Variants in GRM8 observed in about 807,000 individuals in gnomAD.
GRM8 encodes the protein glutamate metabotropic receptor 8, also known as metabotropic glutamate receptor 8.
GRM8 carries 47 observed loss-of-function variants against 87.2 expected under a neutral mutation model. The ratio of observed to expected loss-of-function variants is 0.54; its 90% CI spans 0.43 to 0.69. The LOEUF (loss-of-function observed/expected upper bound fraction) is 0.69. GRM8 is among the 30% of genes least tolerant of loss of function. The pLI is 0.00. For synonymous variants in GRM8, 396 were observed against 404.5 expected, an observed-to-expected ratio of 0.98 and a Z score of 0.25; for missense variants, 1,019 against 1,139.2, an observed-to-expected ratio of 0.89 and a Z score of 1.52.
intron 8 of GRM8, among the ~76,000 whole-genome samples, chr7:126,596,196 T>C (rs1585164504): frequency 6.6e-6 from 1 of 152,198 alleles, no homozygotes; most frequent in Non-Finnish European, 1.5e-5. Flanking sequence ...CTGGGGTGAA[T>C]GGTAATCCTG....
chr7:126,572,922 A>G (rs191749936), intron 8 of GRM8, among the ~76,000 whole-genome samples: 49 of 152,338 alleles, frequency 3.2e-4, no homozygotes, highest in Admixed American at 3.1e-3. Context: ...AAAGACACAG[A>G]GAGAATGCAT....
Position 126,485,266 on chromosome 7 carries a change from C to T in GRM8, c.2431-38894G>A, listed in dbSNP as rs142202008. 4.4e-3 allele frequency among the ~76,000 whole-genome samples: 557 copies of T among 126,420 alleles called. 5 individuals are homozygous for T. The highest frequency in any genetic ancestry group is 0.018 in the African/African-American group (534 of 30,232). The allele number at this position is 126,420 out of a possible 152,430, so 82.9% of individuals were successfully genotyped here. ...TAATAATATGGGGTAACACATGACC[C>T]AGATTTGGAGTTCAGCTAACAGTTT... On this transcript the variant is annotated intron_variant, in intron 9 of 10. Coordinates refer to ENST00000339582, the MANE Select transcript of GRM8 (RefSeq NM_000845.3).
chr7:126,639,461 C>T (rs972418221), intron 7 of GRM8, among the ~76,000 whole-genome samples: 19 of 152,090 alleles, frequency 1.2e-4, no homozygotes, highest in Admixed American at 1.0e-3. Context: ...ATTCCATAGG[C>T]TTATCTCTCG....
chr7:126,956,008 C>A (rs898378030), intron 3 of GRM8, among the ~76,000 whole-genome samples: 4 of 151,984 alleles, frequency 2.6e-5, no homozygotes, highest in South Asian at 2.1e-4. Flanking sequence ...TTAAATGGCA[C>A]CCTTTGCACA....
At chr7:126,445,566 T>G (rs1171030904) in intron 10 of GRM8, 1 of 153,032 alleles carries the variant, frequency 6.5e-6, no homozygotes, top group African/African-American at 2.4e-5. Flanking sequence ...TCTTAATATA[T>G]CCAAGAAGGG....
intron 8 of GRM8, among the ~76,000 whole-genome samples, chr7:126,580,889 G>C (rs547370608): frequency 6.6e-6 from 1 of 151,832 alleles, no homozygotes; most frequent in Non-Finnish European, 1.5e-5. Context: ...TTATTAAAAA[G>C]TATACCTAAT....
At chr7:126,669,959 C>T (rs1373925056) in intron 7 of GRM8, among the ~76,000 whole-genome samples, 1 of 152,082 alleles carries the variant, frequency 6.6e-6, no homozygotes, top group African/African-American at 2.4e-5. Flanking sequence ...TCTGGGTGAA[C>T]ATATTGACTA....
chr7:126,783,041 G>A (rs1285819648), intron 6 of GRM8, among the ~76,000 whole-genome samples: 1 of 152,046 alleles, frequency 6.6e-6, no homozygotes, highest in Non-Finnish European at 1.5e-5. Context: ...ACATCTTCAG[G>A]GATGCAAACT....
intron 6 of GRM8, among the ~76,000 whole-genome samples, chr7:126,900,000 C>T (rs1415667098): frequency 1.3e-5 from 2 of 152,154 alleles, no homozygotes; most frequent in Non-Finnish European, 2.9e-5. Context: ...CCTTGACTCC[C>T]AGTTCATCTC....
chr7:126,750,224 T>C (rs1404421115), intron 7 of GRM8, among the ~76,000 whole-genome samples: 1 of 152,022 alleles, frequency 6.6e-6, no homozygotes, highest in Non-Finnish European at 1.5e-5. Flanking sequence ...GAACACAAAA[T>C]CTGCAAAAGA....
chr7:126,627,620 T>C (rs909823399), intron 7 of GRM8, among the ~76,000 whole-genome samples: 1 of 152,196 alleles, frequency 6.6e-6, no homozygotes, highest in African/African-American at 2.4e-5. Flanking sequence ...CTTTGCATTT[T>C]TTTTAACTTT....
At chr7:126,903,193 T>G (rs977961302) in intron 5 of GRM8, among the ~76,000 whole-genome samples, 1 of 152,204 alleles carries the variant, frequency 6.6e-6, no homozygotes, top group Non-Finnish European at 1.5e-5. Flanking sequence ...TGAACTCAAG[T>G]GTCGGTTTGC....
intron 9 of GRM8, among the ~76,000 whole-genome samples, chr7:126,504,034 C>T (rs1326050903): frequency 6.6e-6 from 1 of 151,976 alleles, no homozygotes; most frequent in Admixed American, 6.6e-5. Context: ...AGGGGTTGTT[C>T]TGTTACCCCT....
intron 3 of GRM8, among the ~76,000 whole-genome samples, chr7:127,046,297 G>A (rs367979466): frequency 6.6e-6 from 1 of 152,006 alleles, no homozygotes; most frequent in South Asian, 2.1e-4. Flanking sequence ...GCGTGAACCC[G>A]GGAGGCGGAG....
chr7:127,076,299 G>A, intron 3 of GRM8: 1 of 429,690 alleles, frequency 2.3e-6, no homozygotes, highest in South Asian at 1.7e-5. Context: ...ACATTAAACA[G>A]AAGCCCTCTA....
At chr7:126,892,265 G>A (rs952948541) in intron 6 of GRM8, among the ~76,000 whole-genome samples, 10 of 151,832 alleles carry the variant, frequency 6.6e-5, no homozygotes, top group African/African-American at 2.4e-4. Flanking sequence ...TTAGCATTAG[G>A]TATATCTCCT....
chr7:126,977,591 C>A (rs1586652919), intron 3 of GRM8, among the ~76,000 whole-genome samples: 1 of 152,296 alleles, frequency 6.6e-6, no homozygotes, highest in East Asian at 1.9e-4. Flanking sequence ...AGAAGAAGGT[C>A]TTTTAACTTA....
chr7:126,778,131 T>TAG (rs1248759558), intron 6 of GRM8, among the ~76,000 whole-genome samples: 8 of 152,198 alleles, frequency 5.3e-5, no homozygotes, highest in Non-Finnish European at 8.8e-5. Context: ...AGCCACTACC[T>TAG]TATCTATTTA....
chr7:126,610,371 T>A (rs1348880480), intron 7 of GRM8, among the ~76,000 whole-genome samples: 2 of 152,128 alleles, frequency 1.3e-5, no homozygotes, highest in East Asian at 3.9e-4. Context: ...TTTATTATTA[T>A]TATTCTTTCC....
Sources: gnomAD v4.1 joint callset for allele counts (sites outside exome capture counted in the v4.1 genomes callset) on GRCh38, gnomAD v4.1.1 for gene constraint, MANE v1.5 for transcripts, NCBI Gene and HGNC (gene_info 2026-07-23, HGNC 2026-07-21) for gene names.